The following TTBK2 variants were observed in gnomAD, a reference collection of about 807,000 sequenced individuals.
TTBK2 encodes tau-tubulin kinase 2.
A neutral mutation model predicts 110.8 loss-of-function variants in TTBK2; 28 were observed. The ratio of observed to expected loss-of-function variants is 0.25; its 90% CI spans 0.19 to 0.35. The LOEUF (loss-of-function observed/expected upper bound fraction) is 0.35, where lower values mean the gene tolerates loss of function less well. TTBK2 is among the 10% of genes least tolerant of loss of function. TTBK2 has a pLI of 1.00. For synonymous variants in TTBK2, 532 were observed against 527.3 expected (o/e 1.01, Z -0.12); for missense variants, 1,369 against 1,500.3 (o/e 0.91, Z 1.45).
intron 1 of TTBK2, among the ~76,000 whole-genome samples, chr15:42,907,919 A>AT (rs556155018): frequency 1.2e-3 from 183 of 147,692 alleles, no homozygotes; most frequent in South Asian, 1.5e-3. Flanking sequence ...AAAAAAAAAA[A>AT]AATAATAATA....
Position 42,857,606 on chromosome 15 carries a change from C to T in TTBK2, c.217+15005G>A, listed in dbSNP as rs1487462994. On this transcript the variant is annotated intron_variant, in intron 3 of 14. Coordinates refer to ENST00000267890, the MANE Select transcript of TTBK2 (RefSeq NM_173500.4). ...CTCTCCAATGAGTCTCTAATCCATTCTTAAAACTGGTCACCTGAGGAAATT... is the reference window on the plus strand; with the variant it reads ...CTCTCCAATGAGTCTCTAATCCATTTTTAAAACTGGTCACCTGAGGAAATT... 2.0e-5 allele frequency: 3 copies of T among 152,134 alleles called. No homozygotes were observed. The East Asian group carries it at 5.8e-4, about 29-fold the overall frequency. The allele number at this position is 152,134 out of a possible 1,614,324, so 9.4% of individuals were successfully genotyped here.
intron 13 of TTBK2, among the ~76,000 whole-genome samples, chr15:42,761,381 A>G (rs1420808917): frequency 2.6e-5 from 4 of 152,262 alleles, no homozygotes; most frequent in African/African-American, 9.6e-5. Flanking sequence ...AATAGAGTGA[A>G]AAGATAACCT....
At chr15:42,830,198 T>C in intron 4 of TTBK2, 120 bp from the exon 5 acceptor site, 1 of 1,347,464 alleles carries the variant, frequency 7.4e-7, no homozygotes, top group Non-Finnish European at 1.0e-6. Context: ...GAATTTTTTT[T>C]TTTTTTGAGA....
Position 42,785,065 on chromosome 15 carries a change from C to T in TTBK2, c.981-1430G>A, listed in dbSNP as rs1398552602. On this transcript the variant is annotated intron_variant, in intron 10 of 14. Coordinates refer to ENST00000267890, the MANE Select transcript of TTBK2 (RefSeq NM_173500.4). ...AATAAACAGGTGTCAGATCAATCAG[C>T]TATGTTATTTTTTTACAGTGTGAAA... Among the ~76,000 whole-genome samples the T allele has an allele frequency of 2.0e-5, 3 of 150,858 alleles. No homozygotes were observed. The South Asian group carries it at 6.3e-4, about 31-fold the overall frequency.
intron 10 of TTBK2, among the ~76,000 whole-genome samples, chr15:42,794,419 ATAAGCTC>A (rs1188789653): frequency 3.3e-5 from 5 of 152,200 alleles, no homozygotes; most frequent in African/African-American, 1.2e-4. Flanking sequence ...AACAAGTCAC[ATAAGCTC>A]TAAGCTCTAA....
At chr15:42,836,904 C>T (rs1241318953) in intron 4 of TTBK2, among the ~76,000 whole-genome samples, 1 of 152,136 alleles carries the variant, frequency 6.6e-6, no homozygotes, top group Non-Finnish European at 1.5e-5. Flanking sequence ...CTCAGCTTCT[C>T]CATGTACAAA....
intron 10 of TTBK2, among the ~76,000 whole-genome samples, chr15:42,787,472 G>C (rs571219389): frequency 3.9e-5 from 6 of 152,288 alleles, no homozygotes; most frequent in South Asian, 4.1e-4. Flanking sequence ...GACAGTAATG[G>C]TTAGGCCTGT....
At position 42,753,988 on chromosome 15, in the gene TTBK2, T is replaced by C. The variant is rs980245627; in HGVS notation, c.1999-741A>G. Among the ~76,000 whole-genome samples the C allele has an allele frequency of 5.3e-5, 8 of 152,310 alleles. No homozygotes were observed. The East Asian group carries it at 1.3e-3, about 26-fold the overall frequency. On this transcript the variant is annotated intron_variant, in intron 13 of 14. Coordinates refer to ENST00000267890, the MANE Select transcript of TTBK2 (RefSeq NM_173500.4). ...CTCCAAATTTGCATGCATTTTGTTG[T>C]TTTCCATAAATTCTATTAAATACTA...
intron 13 of TTBK2, 122 bp from the exon 14 acceptor site, chr15:42,753,369 G>C: frequency 2.0e-6 from 2 of 1,011,480 alleles, no homozygotes; most frequent in African/African-American, 1.6e-5. Flanking sequence ...GACCAGGTCT[G>C]CCCAACTTAT....
chr15:42,839,833 C>G (rs1893148318), intron 4 of TTBK2, among the ~76,000 whole-genome samples: 1 of 152,126 alleles, frequency 6.6e-6, no homozygotes, highest in African/African-American at 2.4e-5. Flanking sequence ...CCTTCTTCAC[C>G]TTCCTTGCTA....
intron 10 of TTBK2, 68 bp from the exon 11 acceptor site, chr15:42,783,703 A>T: frequency 8.6e-7 from 1 of 1,156,134 alleles, no homozygotes; most frequent in Non-Finnish European, 1.3e-6. Flanking sequence ...ACATCATTTT[A>T]TTTCTTCATT....
At chr15:42,773,034 AT>A (rs1348766431) in intron 13 of TTBK2, among the ~76,000 whole-genome samples, 1 of 152,094 alleles carries the variant, frequency 6.6e-6, no homozygotes, top group Non-Finnish European at 1.5e-5. Flanking sequence ...CCAACTTGCT[AT>A]CCCTGAAATA....
At chr15:42,866,569 T>C (rs574586890) in intron 3 of TTBK2, among the ~76,000 whole-genome samples, 2 of 152,292 alleles carry the variant, frequency 1.3e-5, no homozygotes, top group South Asian at 4.1e-4. Context: ...TAACTAGATA[T>C]AACTGACATC....
Position 42,847,807 on chromosome 15 carries a change from G to A in TTBK2, c.218-7374C>T, listed in dbSNP as rs543742162. On this transcript the variant is annotated intron_variant, in intron 3 of 14. Coordinates refer to ENST00000267890, the MANE Select transcript of TTBK2 (RefSeq NM_173500.4). Reference sequence around the variant, plus strand: ...ATCCCTTTGCCAATACCACAGTCTTGATTATCCTAGTTCTGTACTACGTTT... The same window carrying A: ...ATCCCTTTGCCAATACCACAGTCTTAATTATCCTAGTTCTGTACTACGTTT... 1.1e-4 allele frequency among the ~76,000 whole-genome samples: 17 copies of A among 152,196 alleles called. 2 individuals carry two copies. In the South Asian group the frequency reaches 3.5e-3, roughly 32 times the overall value.
chr15:42,880,979 C>A (rs1262085031), intron 1 of TTBK2, among the ~76,000 whole-genome samples: 1 of 151,836 alleles, frequency 6.6e-6, no homozygotes, highest in East Asian at 1.9e-4. Context: ...GTGCCATAGT[C>A]ACACAGAAAA....
intron 7 of TTBK2, among the ~76,000 whole-genome samples, chr15:42,815,257 G>A (rs911293996): frequency 3.3e-5 from 5 of 151,414 alleles, no homozygotes; most frequent in African/African-American, 1.2e-4. Flanking sequence ...TAAATGCTTA[G>A]CAGAGTGCTA....
intron 3 of TTBK2, among the ~76,000 whole-genome samples, chr15:42,864,402 T>A (rs1436040680): frequency 6.6e-6 from 1 of 151,804 alleles, no homozygotes; most frequent in Non-Finnish European, 1.5e-5. Flanking sequence ...CTGACCAACA[T>A]GGAAAAACCC....
At chr15:42,886,275 C>T (rs1895243919) in intron 1 of TTBK2, among the ~76,000 whole-genome samples, 1 of 152,132 alleles carries the variant, frequency 6.6e-6, no homozygotes, top group African/African-American at 2.4e-5. Flanking sequence ...TATCACCTCC[C>T]CTCCCCACAC....
At chr15:42,861,616 C>T (rs1342685618) in intron 3 of TTBK2, among the ~76,000 whole-genome samples, 1 of 151,824 alleles carries the variant, frequency 6.6e-6, no homozygotes, top group Admixed American at 6.6e-5. Flanking sequence ...AAGTTTGTAG[C>T]ACTAAATGCC....
Sources: gnomAD v4.1 joint callset for allele counts (sites outside exome capture counted in the v4.1 genomes callset) on GRCh38, gnomAD v4.1.1 for gene constraint, MANE v1.5 for transcripts, NCBI Gene and HGNC (gene_info 2026-07-23, HGNC 2026-07-21) for gene names.